The following ITPRID1 variants were observed in gnomAD, a reference collection of about 807,000 sequenced individuals.
ITPRID1 encodes ITPR interacting domain containing 1.
Under a neutral mutation model 95.4 loss-of-function variants are expected in ITPRID1, and 96 were observed. That is an observed-to-expected ratio of 1.01 (90% CI 0.85 to 1.19). ITPRID1 has a LOEUF of 1.19. ITPRID1 is among the 50% of genes most tolerant of loss of function. ITPRID1 has a pLI of 0.00. For synonymous variants in ITPRID1, 510 were observed against 453.6 expected, an observed-to-expected ratio of 1.12 and a Z score of -1.58; for missense variants, 1,339 against 1,252.9, an observed-to-expected ratio of 1.07 and a Z score of -1.04.
intron 8 of ITPRID1, 110 bp downstream of exon 8, chr7:31,574,852 C>T: frequency 3.4e-6 from 3 of 888,406 alleles, no homozygotes; most frequent in Non-Finnish European, 5.4e-6. Flanking sequence ...CCCTCTATTA[C>T]AGTGACTTCA....
At chr7:31,550,713 C>T (rs1420759441) in intron 2 of ITPRID1, among the ~76,000 whole-genome samples, 2 of 144,190 alleles carry the variant, frequency 1.4e-5, no homozygotes, top group Admixed American at 6.9e-5. Context: ...AGCAAGGGTT[C>T]CCATTTTCTT....
Position 31,574,699 on chromosome 7 carries a change from A to G in ITPRID1, c.555A>G (p.Glu185=), listed in dbSNP as rs772932836. 6.2e-7 allele frequency: 1 copy of G among 1,613,834 alleles called. No individual in the cohort carries two copies. Among genetic ancestry groups the G allele is most frequent in the Non-Finnish European group, 8.5e-7 (1 of 1,179,812 alleles). ...ARGINIRVFL[E]AQKQRMDIEN... is the part of the protein sequence containing the mutation. ...GAATCAACATCCGTGTTTTTCTTGA[A>G]GCTCAAAAGCAGCGAATGGACATTG... Residue 185 remains glutamate, a synonymous_variant, in exon 8 of 15, where the codon GAA becomes GAG. Transcript: ENST00000615280.
At chr7:31,578,796 C>T (rs955688574) in intron 9 of ITPRID1, among the ~76,000 whole-genome samples, 1 of 152,194 alleles carries the variant, frequency 6.6e-6, no homozygotes, top group African/African-American at 2.4e-5. Flanking sequence ...ACTTCCCACT[C>T]AGTGAAACTT....
At chr7:31,528,671 A>G (rs148002450) in intron 1 of ITPRID1, among the ~76,000 whole-genome samples, 41 of 152,274 alleles carry the variant, frequency 2.7e-4, no homozygotes, top group African/African-American at 7.2e-4. Context: ...TATCTTGCTC[A>G]TTGATGCTTG....
intron 10 of ITPRID1, among the ~76,000 whole-genome samples, chr7:31,597,137 A>G (rs1304321316): frequency 6.6e-6 from 1 of 152,066 alleles, no homozygotes; most frequent in African/African-American, 2.4e-5. Context: ...GGAATAAAAG[A>G]AAGATATCTT....
intron 10 of ITPRID1, among the ~76,000 whole-genome samples, chr7:31,611,325 T>C (rs1031195161): frequency 4.0e-5 from 6 of 151,778 alleles, no homozygotes; most frequent in African/African-American, 1.5e-4. Flanking sequence ...TTTATAATTA[T>C]TGCTTTATTG....
chr7:31,574,553 C>G lies in ITPRID1; in HGVS notation c.409C>G (p.Leu137Val), dbSNP rs749535938. 3 of 1,612,982 alleles carry G rather than the reference C, an allele frequency of 1.9e-6. No homozygotes were observed. Among genetic ancestry groups the G allele is most frequent in the Non-Finnish European group, 2.5e-6 (3 of 1,179,064 alleles). The change falls in exon 8 of 15, where the codon CTG becomes GTG. Residue 137 changes from leucine to valine, a missense_variant. Physicochemically the swap from Leu to Val is conservative, Grantham distance 32. Coordinates refer to ENST00000615280, the MANE Select transcript of ITPRID1 (RefSeq NM_001257967.3). ...TTTTTACCACAGCATTCCTGAATGGCTGGAATTTTGGGAGATAGATCCAGT... is the reference window on the plus strand; with the variant it reads ...TTTTTACCACAGCATTCCTGAATGGGTGGAATTTTGGGAGATAGATCCAGT... ...ASVPQSIPEW[L>V]EFWEIDPVEI... is the part of the protein sequence containing the mutation.
intron 1 of ITPRID1, among the ~76,000 whole-genome samples, chr7:31,548,842 A>G (rs1487902219): frequency 6.6e-6 from 1 of 152,060 alleles, no homozygotes; most frequent in Non-Finnish European, 1.5e-5. Context: ...CTTCCTTTAT[A>G]AACTTCCATG....
chr7:31,525,604 A>G (rs951092473), intron 1 of ITPRID1, among the ~76,000 whole-genome samples: 1 of 152,202 alleles, frequency 6.6e-6, no homozygotes, highest in Admixed American at 6.5e-5. Context: ...TTACTATAGA[A>G]AGATTGAATT....
intron 10 of ITPRID1, among the ~76,000 whole-genome samples, chr7:31,622,707 CA>C (rs1788031788): frequency 1.3e-5 from 2 of 151,838 alleles, no homozygotes; most frequent in Non-Finnish European, 2.9e-5. Context: ...ACTAGAAAAT[CA>C]AGAGCAAACA....
intron 1 of ITPRID1, among the ~76,000 whole-genome samples, chr7:31,514,707 TACTTCA>T (rs550013404): frequency 6.6e-6 from 1 of 152,306 alleles, no homozygotes; most frequent in African/African-American, 2.4e-5. Context: ...AGTATGTTGG[TACTTCA>T]ACTTTAACAG....
Position 31,643,295 on chromosome 7 carries a change from G to A in ITPRID1, c.1925G>A (p.Cys642Tyr). The A allele has an allele frequency of 1.9e-6, 3 of 1,613,796 alleles. No individual in the cohort carries two copies. Among genetic ancestry groups the A allele is most frequent in the Non-Finnish European group, 2.5e-6 (3 of 1,179,878 alleles). Residue 642 changes from cysteine to tyrosine, a missense_variant, in exon 12 of 15, where the codon TGT (cysteine) becomes TAT (tyrosine). Transcript: ENST00000615280. ...CTCGTACCAGAAAGCTCATCACAGT[G>A]TATCCCCAAGCACAGTGAAATCACA... ...SLLVPESSSQ[C>Y]IPKHSEITPY... is the part of the protein sequence containing the mutation.
Position 31,583,154 on chromosome 7 carries a change from G to A in ITPRID1, c.1191G>A (p.Glu397=). 6.2e-7 allele frequency: 1 copy of A among 1,611,906 alleles called. No individual in the cohort carries two copies. The highest frequency in any genetic ancestry group is 8.5e-7 in the Non-Finnish European group (1 of 1,178,328). ...CTTAGGTCCAAAGCTTTGAAGAAGAGACTGGTAATCCTCTTGACATGACTT... is the reference window on the plus strand; with the variant it reads ...CTTAGGTCCAAAGCTTTGAAGAAGAAACTGGTAATCCTCTTGACATGACTT... The part of the protein sequence containing the change: ...EMEEVQSFEE[E]TGNPLDMTSG... The change falls in exon 10 of 15, where the codon GAG becomes GAA. Residue 397 remains glutamate, a synonymous_variant. Coordinates refer to ENST00000615280, the MANE Select transcript of ITPRID1 (RefSeq NM_001257967.3).
chr7:31,596,645 A>G (rs1786099555), intron 10 of ITPRID1, among the ~76,000 whole-genome samples: 1 of 151,700 alleles, frequency 6.6e-6, no homozygotes. Context: ...GTGCATAAAA[A>G]ATATTTCCCT....
intron 7 of ITPRID1, among the ~76,000 whole-genome samples, chr7:31,573,838 AT>A (rs1440521382): frequency 6.6e-6 from 1 of 150,422 alleles, no homozygotes; most frequent in Non-Finnish European, 1.5e-5. Context: ...TAATTTAGAT[AT>A]TTATATATAC....
At chr7:31,518,598 C>G (rs1026018630) in intron 1 of ITPRID1, among the ~76,000 whole-genome samples, 5 of 152,162 alleles carry the variant, frequency 3.3e-5, no homozygotes, top group Admixed American at 1.3e-4. Context: ...CTTCCTTAAT[C>G]TCAGGTCCAA....
At chr7:31,609,140 T>C (rs1786754120) in intron 10 of ITPRID1, among the ~76,000 whole-genome samples, 1 of 151,776 alleles carries the variant, frequency 6.6e-6, no homozygotes, top group Non-Finnish European at 1.5e-5. Context: ...GATTTTCAGA[T>C]GTTAAAATAG....
chr7:31,526,615 ACTTC>A (rs1783428853), intron 1 of ITPRID1, among the ~76,000 whole-genome samples: 1 of 152,128 alleles, frequency 6.6e-6, no homozygotes, highest in Non-Finnish European at 1.5e-5. Flanking sequence ...TTCAAATTAT[ACTTC>A]CTTCTCCAAT....
At chr7:31,607,325 C>T (rs1305975098) in intron 10 of ITPRID1, among the ~76,000 whole-genome samples, 5 of 152,062 alleles carry the variant, frequency 3.3e-5, no homozygotes, top group South Asian at 2.1e-4. Flanking sequence ...CTGATGCTTT[C>T]GCTTTGATGC....
Sources: gnomAD v4.1 joint callset for allele counts (sites outside exome capture counted in the v4.1 genomes callset) on GRCh38, gnomAD v4.1.1 for gene constraint, MANE v1.5 for transcripts, NCBI Gene and HGNC (gene_info 2026-07-23, HGNC 2026-07-21) for gene names.